Variants in PHLPP1 observed in about 807,000 individuals in gnomAD.
PHLPP1 encodes the protein PH domain leucine-rich repeat-containing protein phosphatase 1.
PHLPP1 carries 42 observed loss-of-function variants against 117.2 expected under a neutral mutation model. The ratio of observed to expected loss-of-function variants is 0.36; its 90% CI spans 0.28 to 0.46. PHLPP1 has a LOEUF of 0.46. Among genes scored for constraint, PHLPP1 ranks in the 20% least tolerant of loss-of-function variants. The pLI is 1.00. For synonymous variants in PHLPP1, 1,042 were observed against 970.7 expected, an observed-to-expected ratio of 1.07 and a Z score of -1.37; for missense variants, 2,084 against 2,241.9, an observed-to-expected ratio of 0.93 and a Z score of 1.42.
intron 3 of PHLPP1, among the ~76,000 whole-genome samples, chr18:62,859,630 T>G (rs747754899): frequency 2.0e-5 from 3 of 152,202 alleles, no homozygotes; most frequent in Non-Finnish European, 4.4e-5. Context: ...TTTCTTTATT[T>G]GTGCTATTTT....
At chr18:62,823,571 A>G (rs1017189490) in intron 1 of PHLPP1, among the ~76,000 whole-genome samples, 3 of 133,038 alleles carry the variant, frequency 2.3e-5, no homozygotes, top group African/African-American at 3.2e-5. Flanking sequence ...AAATATATAT[A>G]TCTATATATA....
At chr18:62,776,799 G>A (rs561635192) in intron 1 of PHLPP1, among the ~76,000 whole-genome samples, 293 of 152,076 alleles carry the variant, frequency 1.9e-3, no homozygotes, top group African/African-American at 6.6e-3. Context: ...TAGTAGAGAC[G>A]GGGTTTCACC....
chr18:62,851,546 C>T (rs564355260), intron 3 of PHLPP1, among the ~76,000 whole-genome samples: 61 of 152,188 alleles, frequency 4.0e-4, no homozygotes, highest in African/African-American at 1.3e-3. Context: ...CTGCAACCTC[C>T]GCCTCCCGGA....
At chr18:62,804,698 C>G (rs369277960) in intron 1 of PHLPP1, among the ~76,000 whole-genome samples, 90 of 151,302 alleles carry the variant, frequency 5.9e-4, no homozygotes, top group African/African-American at 2.0e-3. Context: ...CTGCCCCCAT[C>G]CCCCCATCCC....
chr18:62,770,741 G>T (rs537688), intron 1 of PHLPP1, among the ~76,000 whole-genome samples: 134,928 of 149,964 alleles, frequency 0.9, 60,777 homozygotes, highest in East Asian at 0.95. Flanking sequence ...GAATTTTTTT[G>T]GGGGGGGTGG....
chr18:62,716,869 C>G lies in PHLPP1; in HGVS notation c.1186C>G (p.Arg396Gly). ...APTGVPGQPR[R>G]PGHPAQPLPL... Reference sequence around the variant, plus strand: ...GACGGGGGTCCCGGGCCAGCCCCGCCGTCCCGGCCACCCCGCGCAGCCCCT... The same window carrying G: ...GACGGGGGTCCCGGGCCAGCCCCGCGGTCCCGGCCACCCCGCGCAGCCCCT... Residue 396 changes from arginine (R) to glycine (G), a missense_variant, in exon 1 of 17, where the codon CGT (arginine) becomes GGT (glycine). This residue lies in a region of PHLPP1 where 719 missense variants were observed against 636.0 expected (regional missense o/e 1.13). Coordinates refer to ENST00000262719, the MANE Select transcript of PHLPP1 (RefSeq NM_194449.4). This position sits in a 1 kb window ranked among gnomAD's most constrained non-coding sequence, Gnocchi z 5.7. 1 of 1,523,068 alleles carries G rather than the reference C, an allele frequency of 6.6e-7. No homozygotes were observed. The highest frequency in any genetic ancestry group is 8.8e-7 in the Non-Finnish European group (1 of 1,141,454). 94.3% of individuals were successfully genotyped at this position (1,523,068 alleles called of 1,614,324 possible). A position where few individuals can be genotyped will look rare whatever the true frequency, so the allele number is the denominator to read the frequency against.
At chr18:62,806,819 T>C (rs1038623455) in intron 1 of PHLPP1, among the ~76,000 whole-genome samples, 1 of 152,166 alleles carries the variant, frequency 6.6e-6, no homozygotes, top group East Asian at 1.9e-4. Flanking sequence ...CTTTTAAATA[T>C]AGTTTTGTTT....
intron 4 of PHLPP1, among the ~76,000 whole-genome samples, chr18:62,892,604 C>T (rs1047276579): frequency 6.6e-5 from 10 of 151,862 alleles, no homozygotes; most frequent in East Asian, 5.9e-4. Flanking sequence ...CAGCCAGGTG[C>T]GGTGGCTCAC....
At chr18:62,883,263 A>AC (rs1384983205) in intron 4 of PHLPP1, among the ~76,000 whole-genome samples, 1 of 152,220 alleles carries the variant, frequency 6.6e-6, no homozygotes, top group Admixed American at 6.5e-5. Flanking sequence ...AAAAGTCACC[A>AC]TGAACAGAGT....
intron 2 of PHLPP1, among the ~76,000 whole-genome samples, chr18:62,831,735 TTTGTTGC>T (rs1914763552): frequency 6.6e-6 from 1 of 152,242 alleles, no homozygotes; most frequent in African/African-American, 2.4e-5. Context: ...AATAAATGGT[TTTGTTGC>T]TCACTGCTGT....
chr18:62,783,638 G>A (rs548044144), intron 1 of PHLPP1, among the ~76,000 whole-genome samples: 1 of 152,098 alleles, frequency 6.6e-6, no homozygotes, highest in South Asian at 2.1e-4. Flanking sequence ...ACTATTAAGG[G>A]GACACCTGAA....
intron 1 of PHLPP1, among the ~76,000 whole-genome samples, chr18:62,797,732 T>C (rs1913666827): frequency 1.3e-5 from 2 of 152,216 alleles, no homozygotes. Flanking sequence ...AGTGTCTCAG[T>C]GTTCCCTACA....
chr18:62,967,559 T>TAGCTCTC (rs1431519501), intron 14 of PHLPP1, among the ~76,000 whole-genome samples: 1 of 152,178 alleles, frequency 6.6e-6, no homozygotes, highest in Non-Finnish European at 1.5e-5. Context: ...AATGTGATGT[T>TAGCTCTC]AGCTCTCGGT....
At chr18:62,847,984 T>TG (rs774135951) in intron 3 of PHLPP1, among the ~76,000 whole-genome samples, 4 of 152,250 alleles carry the variant, frequency 2.6e-5, no homozygotes, top group Non-Finnish European at 4.4e-5. Flanking sequence ...TCTGTGCCCT[T>TG]GCACTGCCCT....
At chr18:62,834,065 A>G (rs1914826117) in intron 2 of PHLPP1, among the ~76,000 whole-genome samples, 1 of 152,082 alleles carries the variant, frequency 6.6e-6, no homozygotes, top group South Asian at 2.1e-4. Flanking sequence ...TTGTCATAAC[A>G]GTTATTTCTC....
intron 9 of PHLPP1, among the ~76,000 whole-genome samples, chr18:62,918,891 A>G (rs1169814709): frequency 6.6e-6 from 1 of 152,124 alleles, no homozygotes; most frequent in Non-Finnish European, 1.5e-5. Flanking sequence ...AATGCATATG[A>G]TAATTAGCTT....
chr18:62,811,532 ATGT>A (rs1158180483), intron 1 of PHLPP1, among the ~76,000 whole-genome samples: 2 of 149,732 alleles, frequency 1.3e-5, no homozygotes, highest in African/African-American at 2.5e-5. Context: ...GATTATGGTT[ATGT>A]TGTTGTGTCT....
chr18:62,939,638 CTT>C (rs11373386), intron 10 of PHLPP1, among the ~76,000 whole-genome samples: 26 of 143,508 alleles, frequency 1.8e-4, no homozygotes, highest in Non-Finnish European at 2.1e-4. Flanking sequence ...CTCTAACTTC[CTT>C]TTTTTTTTTT....
chr18:62,774,124 T>C (rs1030381341), intron 1 of PHLPP1, among the ~76,000 whole-genome samples: 2 of 152,230 alleles, frequency 1.3e-5, no homozygotes, highest in Non-Finnish European at 1.5e-5. Flanking sequence ...TCTTGTGATA[T>C]ATGTACTGAT....
Sources: gnomAD v4.1 joint callset for allele counts (sites outside exome capture counted in the v4.1 genomes callset) on GRCh38, gnomAD v4.1.1 for gene constraint, gnomAD v4.1.1 regional missense constraint, Gnocchi (gnomAD v3.1) non-coding constraint, MANE v1.5 for transcripts, NCBI Gene and HGNC (gene_info 2026-07-23, HGNC 2026-07-21) for gene names.